TEX22: variants seen among roughly 807,000 people sequenced by gnomAD.
The protein encoded by TEX22 is testis expressed 22.
In TEX22, 16 loss-of-function variants were observed where a neutral mutation model predicts 11.3. The observed-to-expected ratio is 1.42, with a 90% CI of 0.96 to 2.15. The LOEUF (loss-of-function observed/expected upper bound fraction) is 2.15, where lower values mean the gene tolerates loss of function less well. Among genes scored for constraint, TEX22 ranks in the 30% most tolerant of loss-of-function variants. The pLI, the probability that TEX22 is intolerant of heterozygous loss-of-function variation, is 0.00. For missense variants in TEX22, 220 were observed against 208.6 expected (o/e 1.05, Z -0.34); for synonymous variants, 97 against 92.3 (o/e 1.05, Z -0.29).
chr14:105,401,349 G>A (rs1240204596), intron 2 of TEX22, among the ~76,000 whole-genome samples: 1 of 152,146 alleles, frequency 6.6e-6, no homozygotes, highest in Admixed American at 6.5e-5. Context: ...ATGTTGAAAA[G>A]TAATACTAAT....
chr14:105,404,172 G>A (rs1555418681), intron 2 of TEX22, among the ~76,000 whole-genome samples: 1 of 152,230 alleles, frequency 6.6e-6, no homozygotes, highest in Non-Finnish European at 1.5e-5. Flanking sequence ...GCTGGAGACT[G>A]CTTCCACGGC....
Position 105,399,915 on chromosome 14 carries a change from A to G in TEX22, c.150+425A>G, listed in dbSNP as rs116164925. On this transcript the variant is annotated intron_variant, in intron 2 of 3. Coordinates refer to ENST00000451127, the MANE Select transcript of TEX22 (RefSeq NM_001195082.2). ...GATTTGTCACTGAAAGTTGACCAAAACAAAATAGTGGGAGAGGCTCTGCTG... is the reference window on the plus strand; with the variant it reads ...GATTTGTCACTGAAAGTTGACCAAAGCAAAATAGTGGGAGAGGCTCTGCTG... 6.9e-3 allele frequency among the ~76,000 whole-genome samples: 1,056 copies of G among 152,350 alleles called. 15 individuals carry two copies. The highest frequency in any genetic ancestry group is 0.024 in the African/African-American group (978 of 41,572).
intron 2 of TEX22, among the ~76,000 whole-genome samples, chr14:105,402,691 G>A (rs919140191): frequency 6.6e-6 from 1 of 150,828 alleles, no homozygotes; most frequent in Non-Finnish European, 1.5e-5. Context: ...GGGAGGCGGA[G>A]CTTGCAGTGA....
chr14:105,400,283 G>T (rs2081619794), intron 2 of TEX22, among the ~76,000 whole-genome samples: 1 of 152,218 alleles, frequency 6.6e-6, no homozygotes, highest in Admixed American at 6.5e-5. Context: ...GCTGCCCGCT[G>T]AGGCCCCTTT....
chr14:105,402,566 A>T (rs587649433), intron 2 of TEX22, among the ~76,000 whole-genome samples: 1 of 151,700 alleles, frequency 6.6e-6, no homozygotes, highest in East Asian at 1.9e-4. Flanking sequence ...CATCCTGGCT[A>T]ACACGGTGAA....
At chr14:105,410,372 C>T (rs913139321) in intron 2 of TEX22, among the ~76,000 whole-genome samples, 9 of 152,216 alleles carry the variant, frequency 5.9e-5, no homozygotes, top group Admixed American at 2.0e-4. Flanking sequence ...CCACCACACC[C>T]GGCCAGCCTT....
At chr14:105,411,238 C>A in intron 2 of TEX22, 130 bp from the exon 3 acceptor site, 1 of 1,061,252 alleles carries the variant, frequency 9.4e-7, no homozygotes, top group Non-Finnish European at 1.2e-6. Flanking sequence ...GCTGGAGCAG[C>A]GGGAGGCTGA....
rs1461500759 is a variant in TEX22, at chr14:105,413,775, C to T, written c.*1942C>T. The T allele has an allele frequency of 1.3e-5, 2 of 152,262 alleles. No individual in the cohort carries two copies. The highest frequency in any genetic ancestry group is 2.9e-5 in the Non-Finnish European group (2 of 68,064). 9.4% of individuals were successfully genotyped at this position (152,262 alleles called of 1,614,324 possible). On this transcript the variant is annotated 3_prime_UTR_variant, in exon 4 of 4. Coordinates refer to ENST00000451127, the MANE Select transcript of TEX22 (RefSeq NM_001195082.2). This position sits in a 1 kb window ranked among gnomAD's most constrained non-coding sequence, Gnocchi z 4.2. ...AACAGAGGTGGTGCCGGGACAGGGG[C>T]AGTGCCTGGAGACCGCTTAGGTTGT...
chr14:105,402,619 G>A (rs587770572), intron 2 of TEX22, among the ~76,000 whole-genome samples: 229 of 152,110 alleles, frequency 1.5e-3, no homozygotes, highest in Non-Finnish European at 2.1e-3. Context: ...AGCCGGGCGT[G>A]GTGGCGGGCG....
chr14:105,408,723 C>T (rs1412008401), intron 2 of TEX22, among the ~76,000 whole-genome samples: 16 of 152,208 alleles, frequency 1.1e-4, no homozygotes, highest in South Asian at 2.1e-4. Context: ...CGTGCCCGGC[C>T]GCACTGCCTC....
rs1357288513 is a variant in TEX22 at position 105,413,812 on chromosome 14, T to A, written c.*1979T>A. 2.0e-5 allele frequency: 3 copies of A among 152,248 alleles called. No homozygotes were observed. The highest frequency in any genetic ancestry group is 2.0e-4 in the Admixed American group (3 of 15,276). 9.4% of individuals were successfully genotyped at this position (152,248 alleles called of 1,614,324 possible). A position where few individuals can be genotyped will look rare whatever the true frequency, so the allele number is the denominator to read the frequency against. ...ACCGCTTAGGTTGTCACAACTGGGATTTGTGTACTAGTTTTCTGTAGCTGC... is the reference window on the plus strand; with the variant it reads ...ACCGCTTAGGTTGTCACAACTGGGAATTGTGTACTAGTTTTCTGTAGCTGC... On this transcript the variant is annotated 3_prime_UTR_variant, in exon 4 of 4. Transcript: ENST00000451127. This position sits in a 1 kb window ranked among gnomAD's most constrained non-coding sequence, Gnocchi z 4.2.
chr14:105,405,784 A>G (rs1292978519), intron 2 of TEX22, among the ~76,000 whole-genome samples: 1 of 152,276 alleles, frequency 6.6e-6, no homozygotes, highest in Non-Finnish European at 1.5e-5. Flanking sequence ...GATATTGCCA[A>G]TATTCATTAA....
In TEX22 at chr14:105,399,491, G is replaced by T; in HGVS notation, c.150+1G>T. ...GCAGGGACTGCAGACTCAGGACTGG[G>T]TAAGCGGAAGGAAACCCTGGCCGAG... On this transcript the variant is annotated splice_donor_variant, in intron 2 of 3. Coordinates refer to ENST00000451127, the MANE Select transcript of TEX22 (RefSeq NM_001195082.2). LOFTEE classifies it high-confidence loss of function. 5.2e-6 allele frequency: 8 copies of T among 1,527,216 alleles called. No homozygotes were observed. Among genetic ancestry groups the T allele is most frequent in the Non-Finnish European group, 7.0e-6 (8 of 1,141,364 alleles). The allele number at this position is 1,527,216 out of a possible 1,614,324, so 94.6% of individuals were successfully genotyped here. A position where few individuals can be genotyped will look rare whatever the true frequency, so the allele number is the denominator to read the frequency against.
intron 2 of TEX22, among the ~76,000 whole-genome samples, chr14:105,402,519 C>G (rs779124176): frequency 1.3e-5 from 2 of 152,002 alleles, no homozygotes; most frequent in Non-Finnish European, 1.5e-5. Context: ...CTTTGGGAGG[C>G]TGGGGCGGGC....
intron 2 of TEX22, among the ~76,000 whole-genome samples, chr14:105,410,357 A>C (rs587615716): frequency 7.2e-5 from 11 of 152,362 alleles, no homozygotes; most frequent in Non-Finnish European, 1.6e-4. Context: ...GATTACAGGC[A>C]TGAGCCACCA....
chr14:105,402,710 T>C lies in TEX22; in HGVS notation c.150+3220T>C, dbSNP rs61984706. On this transcript the variant is annotated intron_variant, in intron 2 of 3. Transcript: ENST00000451127. ...GGCGGAGCTTGCAGTGAGACGAGAT[T>C]GCGCTACTGCACTCCAGCCTGGGCG... 4.1e-3 allele frequency among the ~76,000 whole-genome samples: 602 copies of C among 147,800 alleles called. 4 individuals carry two copies. The highest frequency in any genetic ancestry group is 6.5e-3 in the Non-Finnish European group (436 of 67,548).
chr14:105,408,969 C>T (rs1305894230), intron 2 of TEX22, among the ~76,000 whole-genome samples: 1 of 137,908 alleles, frequency 7.3e-6, no homozygotes, highest in Non-Finnish European at 1.6e-5. Flanking sequence ...CCTCCTCCTG[C>T]TCCTCCTCCT....
intron 2 of TEX22, among the ~76,000 whole-genome samples, chr14:105,407,223 A>G (rs1555418949): frequency 6.6e-6 from 1 of 151,984 alleles, no homozygotes; most frequent in African/African-American, 2.4e-5. Flanking sequence ...GCACACCACC[A>G]TGCCTGGCTA....
chr14:105,411,346 G>A, intron 2 of TEX22, 22 bp from the exon 3 acceptor site: 1 of 1,287,416 alleles, frequency 7.8e-7, no homozygotes, highest in Non-Finnish European at 9.8e-7. Flanking sequence ...GGCCCTCGCC[G>A]ACCCGCTGCC....
Sources: gnomAD v4.1 joint callset for allele counts (sites outside exome capture counted in the v4.1 genomes callset) on GRCh38, gnomAD v4.1.1 for gene constraint, Gnocchi (gnomAD v3.1) non-coding constraint, MANE v1.5 for transcripts, NCBI Gene and HGNC (gene_info 2026-07-23, HGNC 2026-07-21) for gene names.